GNA12: variants seen among roughly 807,000 people sequenced by gnomAD.
GNA12 encodes G protein subunit alpha 12.
GNA12 carries 9 observed loss-of-function variants against 26.0 expected under a neutral mutation model. That is an observed-to-expected ratio of 0.35 (90% CI 0.21 to 0.60). The LOEUF is 0.60. Among genes scored for constraint, GNA12 ranks in the 20% least tolerant of loss-of-function variants. The pLI is 0.78. For synonymous variants in GNA12, 264 were observed against 219.6 expected, an observed-to-expected ratio of 1.20 and a Z score of -1.79; for missense variants, 405 against 525.8, an observed-to-expected ratio of 0.77 and a Z score of 2.25.
intron 1 of GNA12, among the ~76,000 whole-genome samples, chr7:2,836,272 A>G (rs1029897160): frequency 7.9e-5 from 12 of 152,206 alleles, no homozygotes; most frequent in Non-Finnish European, 1.3e-4. Context: ...GAGTAAAAAG[A>G]CCAGGATGAT....
chr7:2,776,496 G>A (rs948284629), intron 2 of GNA12, among the ~76,000 whole-genome samples: 3 of 152,318 alleles, frequency 2.0e-5, no homozygotes, highest in South Asian at 2.1e-4. Flanking sequence ...TAAGACAGGG[G>A]CGATGAAAGC....
chr7:2,797,104 C>T (rs952264125), intron 1 of GNA12, among the ~76,000 whole-genome samples: 3 of 152,178 alleles, frequency 2.0e-5, no homozygotes, highest in African/African-American at 7.2e-5. Flanking sequence ...ATCCCATCCT[C>T]CAGGACAGAG....
chr7:2,744,935 T>C (rs1325390372), intron 2 of GNA12, among the ~76,000 whole-genome samples: 2 of 151,698 alleles, frequency 1.3e-5, no homozygotes, highest in Non-Finnish European at 2.9e-5. Flanking sequence ...GAAGACAAAA[T>C]GAATGAAATG....
At chr7:2,737,276 TTTTTTTTTTTTTG>T (rs1217193684) in intron 2 of GNA12, among the ~76,000 whole-genome samples, 1,056 of 53,094 alleles carry the variant, frequency 0.02, 43 homozygotes, top group African/African-American at 0.062. Flanking sequence ...TTTGTTTTGT[TTTTTTTTTTTTTG>T]TTTTTTTTTT....
intron 1 of GNA12, among the ~76,000 whole-genome samples, chr7:2,824,451 G>A (rs1428398177): frequency 6.6e-6 from 1 of 152,114 alleles, no homozygotes; most frequent in African/African-American, 2.4e-5. Flanking sequence ...TCTGCAGGCG[G>A]CTCCCTGCCA....
intron 1 of GNA12, among the ~76,000 whole-genome samples, chr7:2,799,584 A>G (rs1176606844): frequency 6.6e-6 from 1 of 152,180 alleles, no homozygotes; most frequent in Non-Finnish European, 1.5e-5. Flanking sequence ...CCTGAGATAC[A>G]TACATACATA....
chr7:2,786,879 T>G (rs1792375495), intron 2 of GNA12, among the ~76,000 whole-genome samples: 2 of 152,076 alleles, frequency 1.3e-5, no homozygotes, highest in South Asian at 4.2e-4. Flanking sequence ...ATGGCCTTCA[T>G]GGGGAGACTG....
intron 1 of GNA12, among the ~76,000 whole-genome samples, chr7:2,800,149 C>T (rs1048651841): frequency 1.3e-5 from 2 of 152,182 alleles, no homozygotes; most frequent in African/African-American, 4.8e-5. Context: ...CATTACCCAG[C>T]AACAAATGGG....
At chr7:2,802,700 C>G (rs1370785462) in intron 1 of GNA12, among the ~76,000 whole-genome samples, 2 of 152,204 alleles carry the variant, frequency 1.3e-5, no homozygotes, top group African/African-American at 2.4e-5. Context: ...TAAAAACCCA[C>G]TCGGCTGAGT....
chr7:2,808,001 GC>G (rs1340250883), intron 1 of GNA12, among the ~76,000 whole-genome samples: 1 of 152,216 alleles, frequency 6.6e-6, no homozygotes. Flanking sequence ...ATCATTTTGG[GC>G]GCTTCCTCCA....
At chr7:2,778,336 G>C (rs1461840839) in intron 2 of GNA12, among the ~76,000 whole-genome samples, 4 of 152,232 alleles carry the variant, frequency 2.6e-5, no homozygotes, top group Non-Finnish European at 5.9e-5. Flanking sequence ...CACAAGAGCA[G>C]GCTGGCTTCT....
intron 2 of GNA12, among the ~76,000 whole-genome samples, chr7:2,756,716 C>A (rs1379738444): frequency 6.6e-6 from 1 of 152,188 alleles, no homozygotes; most frequent in Non-Finnish European, 1.5e-5. Context: ...TGACAGACGC[C>A]CCTGTCTTTC....
chr7:2,841,195 A>G (rs866254094), intron 1 of GNA12, among the ~76,000 whole-genome samples: 1 of 152,204 alleles, frequency 6.6e-6, no homozygotes, highest in Non-Finnish European at 1.5e-5. Flanking sequence ...TGAGTTGCCC[A>G]GGCTAAAGTG....
At chr7:2,745,263 CAG>C (rs1472513679) in intron 2 of GNA12, among the ~76,000 whole-genome samples, 1 of 152,144 alleles carries the variant, frequency 6.6e-6, no homozygotes, top group African/African-American at 2.4e-5. Flanking sequence ...TAAGGGCAGC[CAG>C]AGAGAAAGGT....
intron 1 of GNA12, among the ~76,000 whole-genome samples, chr7:2,828,325 A>G (rs969130421): frequency 2.0e-5 from 3 of 152,246 alleles, no homozygotes; most frequent in African/African-American, 7.2e-5. Flanking sequence ...TGCAGTTTCT[A>G]AACTAATGTT....
At position 2,794,917 on chromosome 7, in the gene GNA12, TA is replaced by T; in HGVS notation, c.525+10del. On this transcript the variant is annotated intron_variant, in intron 2 of 3. Coordinates refer to ENST00000275364, the MANE Select transcript of GNA12 (RefSeq NM_007353.3). The stretch of plus-strand genomic sequence containing the variant: ...CTATCAGGTGCCCAGCAAGAAGGCC[TA>T]CTCACTCACCAGCTGAAACTCGCTT... 3 of 1,593,538 alleles carry T rather than the reference TA, an allele frequency of 1.9e-6. No homozygotes were observed. Among genetic ancestry groups the T allele is most frequent in the Non-Finnish European group, 2.6e-6 (3 of 1,161,260 alleles).
At position 2,789,055 on chromosome 7, in the gene GNA12, T is replaced by G. The variant is rs529014281; in HGVS notation, c.525+5873A>C. Reference sequence around the variant, plus strand: ...AGGGTGGTCTTGAACTGACCTCAAGTGATCCACCTGCCTTGGCCTCCCAAA... The same window carrying G: ...AGGGTGGTCTTGAACTGACCTCAAGGGATCCACCTGCCTTGGCCTCCCAAA... On this transcript the variant is annotated intron_variant, in intron 2 of 3. Transcript: ENST00000275364. Among the ~76,000 whole-genome samples the G allele has an allele frequency of 1.4e-3, 208 of 151,382 alleles. 2 individuals are homozygous for G. The highest frequency in any genetic ancestry group is 4.6e-3 in the African/African-American group (190 of 41,278).
intron 2 of GNA12, among the ~76,000 whole-genome samples, chr7:2,794,250 G>A (rs1414374140): frequency 1.3e-5 from 2 of 152,196 alleles, no homozygotes; most frequent in Non-Finnish European, 2.9e-5. Context: ...GGGGGCAAAC[G>A]GCTGTGAGAG....
chr7:2,819,548 G>C (rs1244258709), intron 1 of GNA12, among the ~76,000 whole-genome samples: 3 of 152,126 alleles, frequency 2.0e-5, no homozygotes, highest in African/African-American at 7.2e-5. Context: ...ACCAAAAGCA[G>C]TCCCCTTAAG....
Sources: allele counts gnomAD v4.1 joint callset (sites outside exome capture counted in the v4.1 genomes callset), GRCh38; gene constraint gnomAD v4.1.1; transcripts MANE v1.5; gene names NCBI Gene and HGNC (gene_info 2026-07-23, HGNC 2026-07-21).